Variants in MRTFB observed in about 807,000 individuals in gnomAD.
MRTFB encodes the protein myocardin related transcription factor B, also known as myocardin-related transcription factor B.
MRTFB carries 29 observed loss-of-function variants against 104.2 expected under a neutral mutation model. The observed-to-expected ratio is 0.28, with a 90% CI of 0.21 to 0.38. The LOEUF is 0.38. Ranked by LOEUF, MRTFB falls within the 10% of genes least tolerant of loss-of-function variation. MRTFB has a pLI of 1.00. For synonymous variants in MRTFB, 535 were observed against 519.5 expected, an observed-to-expected ratio of 1.03 and a Z score of -0.41; for missense variants, 1,270 against 1,341.6, an observed-to-expected ratio of 0.95 and a Z score of 0.83.
At chr16:14,150,803 G>T (rs2038575939) in intron 3 of MRTFB, 1 of 152,216 alleles carries the variant, frequency 6.6e-6, no homozygotes, top group Admixed American at 6.5e-5. Flanking sequence ...TGCAGTTGCA[G>T]ATCTCAATCT....
At chr16:14,061,304 T>G in the MRTFB span, among the ~76,000 whole-genome samples, 2 of 152,136 alleles carry the variant, frequency 1.3e-5, no homozygotes, top group African/African-American at 2.4e-5. Flanking sequence ...AGATACTTAC[T>G]CTCTCCATTC....
intron 2 of MRTFB, among the ~76,000 whole-genome samples, chr16:14,094,246 G>C (rs971479564): frequency 9.9e-5 from 15 of 152,060 alleles, no homozygotes; most frequent in African/African-American, 3.4e-4. Flanking sequence ...TTTTTTTAAT[G>C]ACTGATAAAT....
At chr16:14,120,076 T>C (rs2036764474) in intron 2 of MRTFB, among the ~76,000 whole-genome samples, 2 of 152,232 alleles carry the variant, frequency 1.3e-5, no homozygotes, top group African/African-American at 4.8e-5. Context: ...GCATCACTTC[T>C]TATGTTTATT....
At position 14,258,594 on chromosome 16, in the gene MRTFB, C is replaced by T. The variant is rs144408257; in HGVS notation, c.2764+433C>T. ...TGTGAGATTTATCCACAGATAGATG[C>T]CTGCTAAAAAACAAAGACCAGATAG... On this transcript the variant is annotated intron_variant, in intron 16 of 16. Coordinates refer to ENST00000571589, the MANE Select transcript of MRTFB (RefSeq NM_001308142.2). Among the ~76,000 whole-genome samples, 6 of 152,262 alleles carry T rather than the reference C, an allele frequency of 3.9e-5. No individual in the cohort carries two copies. The East Asian group carries it at 1.2e-3, about 29-fold the overall frequency.
At position 14,247,345 on chromosome 16, in the gene MRTFB, C is replaced by T. The variant is rs1466321796; in HGVS notation, c.2085C>T (p.Val695=). 1.2e-6 allele frequency: 2 copies of T among 1,614,074 alleles called. No individual in the cohort carries two copies. Among genetic ancestry groups the T allele is most frequent in the Non-Finnish European group, 1.7e-6 (2 of 1,180,050 alleles). Residue 695 remains valine, a synonymous_variant, in exon 12 of 17, where the codon GTC becomes GTT. Transcript: ENST00000571589. ...PVGQAEQQSV[V]SQFYVSSQGQ... ...GCCAGGCAGAGCAGCAGAGTGTCGT[C>T]TCGCAGTTTTATGTGAGTTCCCAGG...
intron 3 of MRTFB, among the ~76,000 whole-genome samples, chr16:14,205,361 G>A (rs922717480): frequency 3.3e-5 from 5 of 152,118 alleles, no homozygotes; most frequent in East Asian, 3.9e-4. Context: ...CCCTCCATCC[G>A]TGAGGGTGCT....
intron 3 of MRTFB, among the ~76,000 whole-genome samples, chr16:14,183,064 T>C (rs1369202694): frequency 1.3e-5 from 2 of 152,136 alleles, no homozygotes; most frequent in East Asian, 3.8e-4. Context: ...ACAGAATAAT[T>C]ATATACAAAA....
At position 14,262,904 on chromosome 16, in the gene MRTFB, C is replaced by A. The variant is rs1376365433; in HGVS notation, c.*1460C>A. The stretch of plus-strand genomic sequence containing the variant: ...TCAGGTCAGGTTGGTTCCCCTGGGT[C>A]ACAAAATGGTAAATGTTCCATACTG... On this transcript the variant is annotated 3_prime_UTR_variant, in exon 17 of 17. Coordinates refer to ENST00000571589, the MANE Select transcript of MRTFB (RefSeq NM_001308142.2). 1.3e-5 allele frequency: 2 copies of A among 152,406 alleles called. No individual in the cohort carries two copies. The highest frequency in any genetic ancestry group is 4.8e-5 in the African/African-American group (2 of 41,452). 9.4% of individuals were successfully genotyped at this position (152,406 alleles called of 1,614,324 possible).
the MRTFB span, among the ~76,000 whole-genome samples, chr16:14,042,708 A>G: frequency 6.6e-6 from 1 of 152,186 alleles, no homozygotes; most frequent in Non-Finnish European, 1.5e-5. Context: ...GAAGGGGGGA[A>G]GAACAGCTCC....
intron 8 of MRTFB, among the ~76,000 whole-genome samples, chr16:14,223,109 C>T (rs969175615): frequency 6.6e-6 from 1 of 152,050 alleles, no homozygotes; most frequent in African/African-American, 2.4e-5. Flanking sequence ...AAGTTCAAGA[C>T]CAGCCTGGGC....
At chr16:14,219,138 C>A in intron 8 of MRTFB, 140 bp downstream of exon 8, 3 of 808,068 alleles carry the variant, frequency 3.7e-6, no homozygotes, top group Non-Finnish European at 5.3e-6. Flanking sequence ...AGGCACTTAA[C>A]TGCCCTCCAG....
At position 14,262,975 on chromosome 16, in the gene MRTFB, A is replaced by G. The variant is rs552285993; in HGVS notation, c.*1531A>G. 2 of 152,728 alleles carry G rather than the reference A, an allele frequency of 1.3e-5. No individual in the cohort carries two copies. Among genetic ancestry groups the G allele is most frequent in the South Asian group, 4.1e-4 (2 of 4,832 alleles). 9.5% of individuals were successfully genotyped at this position (152,728 alleles called of 1,614,324 possible). On this transcript the variant is annotated 3_prime_UTR_variant, in exon 17 of 17. Coordinates refer to ENST00000571589, the MANE Select transcript of MRTFB (RefSeq NM_001308142.2). ...CCCGTTATTTGGAAAGAATTTGTGA[A>G]TTATTTCTGGGTTTGTGTTTTGCCT...
At chr16:14,113,938 A>G (rs2036405579) in intron 2 of MRTFB, among the ~76,000 whole-genome samples, 1 of 152,196 alleles carries the variant, frequency 6.6e-6, no homozygotes, top group Admixed American at 6.5e-5. Flanking sequence ...AAAATTACAT[A>G]CATAGAACTA....
chr16:14,234,657 T>A (rs747516022), intron 9 of MRTFB, among the ~76,000 whole-genome samples: 2 of 151,700 alleles, frequency 1.3e-5, no homozygotes, highest in African/African-American at 4.8e-5. Context: ...TAGCCAGAGG[T>A]GGTGGTGCAT....
chr16:14,061,566 C>CG, the MRTFB span, among the ~76,000 whole-genome samples: 1 of 102,632 alleles, frequency 9.7e-6, no homozygotes, highest in African/African-American at 3.9e-5. Flanking sequence ...TCAAGGTCAT[C>CG]TTTTTTTTTT....
chr16:14,156,160 C>T (rs527711397), intron 3 of MRTFB, among the ~76,000 whole-genome samples: 6 of 152,300 alleles, frequency 3.9e-5, no homozygotes, highest in Non-Finnish European at 8.8e-5. Context: ...TGTGTGAAAG[C>T]AATTGTTTCA....
intron 8 of MRTFB, among the ~76,000 whole-genome samples, chr16:14,222,092 G>C (rs368216030): frequency 2.0e-5 from 3 of 151,932 alleles, no homozygotes; most frequent in Non-Finnish European, 4.4e-5. Context: ...TTTAATTTTC[G>C]ATGCATGTGG....
At chr16:14,013,165 G>A in the MRTFB span, 1 of 152,296 alleles carries the variant, frequency 6.6e-6, no homozygotes, top group African/African-American at 2.4e-5. Context: ...TGAAGGCAGA[G>A]GTGCTGGTTA....
chr16:14,230,150 T>TCA (rs1262232923), intron 8 of MRTFB, among the ~76,000 whole-genome samples: 9 of 152,122 alleles, frequency 5.9e-5, no homozygotes, highest in Non-Finnish European at 1.3e-4. Context: ...ATTAAAGACT[T>TCA]ACATGTTAGA....
Sources: allele counts gnomAD v4.1 joint callset (sites outside exome capture counted in the v4.1 genomes callset), GRCh38; gene constraint gnomAD v4.1.1; transcripts MANE v1.5; gene names NCBI Gene and HGNC (gene_info 2026-07-23, HGNC 2026-07-21).